The following CPSF1 variants were observed in gnomAD, a reference collection of about 807,000 sequenced individuals.
CPSF1 encodes the protein cleavage and polyadenylation specific factor 1, also known as cleavage and polyadenylation specificity factor subunit 1.
Under a neutral mutation model 175.8 loss-of-function variants are expected in CPSF1, and 106 were observed. The observed-to-expected ratio is 0.60, with a 90% CI of 0.52 to 0.71. CPSF1 has a LOEUF of 0.71. CPSF1 is among the 30% of genes least tolerant of loss of function. CPSF1 has a pLI of 0.00. For missense variants in CPSF1, 1,734 were observed against 2,022.9 expected (o/e 0.86, Z 2.74); for synonymous variants, 1,024 against 858.3 (o/e 1.19, Z -3.37).
chr8:144,396,243 C>G (rs1773986593), intron 26 of CPSF1, 105 bp downstream of exon 26: 9 of 1,219,122 alleles, frequency 7.4e-6, no homozygotes, highest in Non-Finnish European at 9.2e-6. Flanking sequence ...ACACTCCTTC[C>G]TGGTCCTCAG....
chr8:144,400,038 A>C lies in CPSF1; in HGVS notation c.985T>G (p.Phe329Val). Residue 329 changes from phenylalanine (F) to valine (V), a missense_variant, in exon 10 of 38, where the codon TTC (phenylalanine) becomes GTC (valine). Physicochemically the swap from Phe to Val is conservative, Grantham distance 50. Coordinates refer to ENST00000616140, the MANE Select transcript of CPSF1 (RefSeq NM_013291.3). ...RITLDCAQAT[F>V]ISYDKMVISL... ...ATGACCATCTTGTCGTAGGAGATGA[A>C]GGTGGCCTGGGCGCAGTCCAGGGTG... 6.2e-7 allele frequency: 1 copy of C among 1,610,018 alleles called. No homozygotes were observed. Among genetic ancestry groups the C allele is most frequent in the Non-Finnish European group, 8.5e-7 (1 of 1,179,668 alleles).
In CPSF1 at chr8:144,396,483, G is replaced by C. The variant is rs1458237845; in HGVS notation, c.2844C>G (p.Pro948=). 3.7e-6 allele frequency: 6 copies of C among 1,609,212 alleles called. No individual in the cohort carries two copies. Among genetic ancestry groups the C allele is most frequent in the African/African-American group, 1.3e-5 (1 of 74,854 alleles). ...YGYSGVFICG[P]SPHWLLVTGR... is the part of the protein sequence containing the mutation. ...CGGTCACCAAGAGCCAGTGAGGGGA[G>C]GGGCCGCAGATGAAGACCTGGGGGC... The change falls in exon 26 of 38, where the codon CCC becomes CCG. Residue 948 remains proline (P), a synonymous_variant. Transcript: ENST00000616140.
At chr8:144,395,380 C>G (rs1586612105) in intron 27 of CPSF1, 25 bp from the exon 28 acceptor site, 3 of 1,612,686 alleles carry the variant, frequency 1.9e-6, no homozygotes, top group Non-Finnish European at 2.5e-6. Context: ...GGGTCACACA[C>G]CAGTGGCCCG....
chr8:144,397,590 T>C lies in CPSF1; in HGVS notation c.2282A>G (p.Glu761Gly). The change falls in exon 22 of 38, where the codon GAG (glutamate) becomes GGG (glycine). Residue 761 changes from glutamate (E) to glycine (G), a missense_variant. Glu to Gly is a moderately conservative substitution (Grantham distance 98, BLOSUM62 -2). Coordinates refer to ENST00000616140, the MANE Select transcript of CPSF1 (RefSeq NM_013291.3). ...SGSLFSPSKE[E>G]ARRSSQPPAD... ...AGGGGGCTGGCTGCTTCTTCGGGCC[T>C]CCTCCTTGCTGGGGCTGAAGAGGGA... 1 of 1,539,730 alleles carries C rather than the reference T, an allele frequency of 6.5e-7. No individual in the cohort carries two copies. The highest frequency in any genetic ancestry group is 8.8e-7 in the Non-Finnish European group (1 of 1,138,270).
rs782420033 is a variant in CPSF1, at chr8:144,394,112, C to T, written c.3859+1G>A. 6.2e-7 allele frequency: 1 copy of T among 1,612,618 alleles called. No homozygotes were observed. The highest frequency in any genetic ancestry group is 1.3e-5 in the African/African-American group (1 of 75,032). On this transcript the variant is annotated splice_donor_variant, in intron 34 of 37. Coordinates refer to ENST00000616140, the MANE Select transcript of CPSF1 (RefSeq NM_013291.3). LOFTEE classifies it high-confidence loss of function. Reference sequence around the variant, plus strand: ...GCAGAGGGGGTGGAGGAAGCACTCACCTTCGGGCAGGTACATGTACACCAT... The same window carrying T: ...GCAGAGGGGGTGGAGGAAGCACTCATCTTCGGGCAGGTACATGTACACCAT...
Position 144,393,926 on chromosome 8 carries a change from G to C in CPSF1, c.3972C>G (p.Ser1324Arg), listed in dbSNP as rs782544283. Residue 1324 changes from serine to arginine, a missense_variant, in exon 35 of 38, where the codon AGC (serine) becomes AGG (arginine). Transcript: ENST00000616140. Reference protein sequence around the residue: ...TPCRGATEGLSKKSVVWENKH... With the variant: ...TPCRGATEGLRKKSVVWENKH... ...TATTCTCCCACACGACCGACTTTTTGCTGAGCCCTTCAGTGGCCCCCCGGC... is the reference window on the plus strand; with the variant it reads ...TATTCTCCCACACGACCGACTTTTTCCTGAGCCCTTCAGTGGCCCCCCGGC... The C allele has an allele frequency of 6.2e-7, 1 of 1,613,402 alleles. No homozygotes were observed. Among genetic ancestry groups the C allele is most frequent in the Non-Finnish European group, 8.5e-7 (1 of 1,179,760 alleles).
At chr8:144,402,917 C>T (rs1225068118) in intron 2 of CPSF1, among the ~76,000 whole-genome samples, 1 of 152,190 alleles carries the variant, frequency 6.6e-6, no homozygotes, top group Non-Finnish European at 1.5e-5. Flanking sequence ...GGTATTGTAA[C>T]ACAACTGGGT....
Position 144,396,643 on chromosome 8 carries a change from G to A in CPSF1, c.2781C>T (p.Arg927=), listed in dbSNP as rs782110971. Residue 927 remains arginine, a synonymous_variant, in exon 25 of 38, where the codon CGC becomes CGT. Transcript: ENST00000616140. ...GAEEGAGARG[R]VARFRYFEDI... is the part of the protein sequence containing the mutation. ...CCTCGAAGTAGCGGAAACGCGCCAC[G>A]CGGCCCCGGGCCCCAGCCCCCTCCT... 5.6e-5 allele frequency: 90 copies of A among 1,613,580 alleles called. No homozygotes were observed. Among genetic ancestry groups the A allele is most frequent in the Middle Eastern group, 3.3e-4 (2 of 6,082 alleles).
intron 26 of CPSF1, chr8:144,396,125 G>T: frequency 1.7e-6 from 1 of 583,394 alleles, no homozygotes; most frequent in Non-Finnish European, 3.0e-6. Context: ...GAGCAGTGGT[G>T]GGGACCCCAG....
At position 144,396,090 on chromosome 8, in the gene CPSF1, C is replaced by G. The variant is rs536183338; in HGVS notation, c.2979+258G>C. ...TGAGAAGTGTGGAGGCCAGGCCCTG[C>G]GAGGGCTTGCCCGGCGAGCCGGCAG... is the stretch of plus-strand genomic sequence containing the variant. On this transcript the variant is annotated intron_variant, in intron 26 of 37. Transcript: ENST00000616140. 19 of 541,208 alleles carry G rather than the reference C, an allele frequency of 3.5e-5. No individual in the cohort carries two copies. In the East Asian group the frequency reaches 5.8e-4, roughly 17 times the overall value. The allele number at this position is 541,208 out of a possible 1,614,324, so 33.5% of individuals were successfully genotyped here. A position where few individuals can be genotyped will look rare whatever the true frequency, so the allele number is the denominator to read the frequency against.
intron 2 of CPSF1, among the ~76,000 whole-genome samples, chr8:144,402,340 C>T (rs1586631281): frequency 6.6e-6 from 1 of 152,130 alleles, no homozygotes; most frequent in African/African-American, 2.4e-5. Context: ...CGGAGTCTCA[C>T]TCTGTCACCC....
intron 9 of CPSF1, 31 bp downstream of exon 9, chr8:144,400,135 G>GGGGCCCCCCCCCCCCCCCCCCAC: frequency 1.1e-6 from 1 of 896,012 alleles, no homozygotes; most frequent in Non-Finnish European, 1.6e-6. Flanking sequence ...CCGTCCCCGG[G>GGGGCCCCCCCCCCCCCCCCCCAC]CCCCCCCCGC....
chr8:144,397,009 T>G (rs1586616001), intron 23 of CPSF1, 80 bp from the exon 24 acceptor site: 7 of 1,004,734 alleles, frequency 7.0e-6, no homozygotes, highest in Non-Finnish European at 1.0e-5. Context: ...AGGTGGGCTG[T>G]GGGTAAGGGG....
chr8:144,404,201 G>A (rs1554868272), intron 2 of CPSF1, among the ~76,000 whole-genome samples: 1 of 151,660 alleles, frequency 6.6e-6, no homozygotes, highest in Admixed American at 6.6e-5. Context: ...CCAGCCTGGG[G>A]GACAAGAGAG....
chr8:144,409,195 G>A (rs2116913699), intron 1 of CPSF1, 23 bp from the exon 2 acceptor site: 4 of 1,529,074 alleles, frequency 2.6e-6, no homozygotes, highest in South Asian at 2.4e-5. Flanking sequence ...GGGAGAGGAA[G>A]GGTGAGCGGG....
chr8:144,401,351 G>A (rs1699407015), intron 4 of CPSF1, 60 bp from the exon 5 acceptor site: 1 of 1,609,256 alleles, frequency 6.2e-7, no homozygotes, highest in South Asian at 1.1e-5. Context: ...GTCGCCCCCG[G>A]CAACCAACGG....
chr8:144,409,074 T>A lies in CPSF1; in HGVS notation c.85A>T (p.Asn29Tyr). ...TGCGAGGTCCCGGCCACTACCAGGT[T>A]GCGCTCGCTGTTGTTGAAGAAGTTG... ...YCNFFNNSERNLVVAGTSQLY... is the reference protein window; with the variant it reads ...YCNFFNNSERYLVVAGTSQLY... The change falls in exon 2 of 38, where the codon AAC becomes TAC. Residue 29 changes from asparagine to tyrosine, a missense_variant. Coordinates refer to ENST00000616140, the MANE Select transcript of CPSF1 (RefSeq NM_013291.3). 6.2e-7 allele frequency: 1 copy of A among 1,613,852 alleles called. No homozygotes were observed. Among genetic ancestry groups the A allele is most frequent in the South Asian group, 1.1e-5 (1 of 91,086 alleles).
At position 144,401,537 on chromosome 8, in the gene CPSF1, C is replaced by T. The variant is rs2116885440; in HGVS notation, c.199G>A (p.Glu67Lys). The change falls in exon 4 of 38, where the codon GAG becomes AAG. Residue 67 changes from glutamate to lysine, a missense_variant. Coordinates refer to ENST00000616140, the MANE Select transcript of CPSF1 (RefSeq NM_013291.3). The stretch of plus-strand genomic sequence containing the variant: ...AAGAAGGAGAAGGAGGCAGCAAGCT[C>T]GAGCTTCTCCCGGTGGGCCTTCCCC... Reference protein sequence around the residue: ...TEGKAHREKLELAASFSFFGN... With the variant: ...TEGKAHREKLKLAASFSFFGN... 14 of 1,613,736 alleles carry T rather than the reference C, an allele frequency of 8.7e-6. No homozygotes were observed. Among genetic ancestry groups the T allele is most frequent in the African/African-American group, 6.7e-5 (5 of 74,926 alleles).
In CPSF1 at chr8:144,400,935, G is replaced by T; in HGVS notation, c.528C>A (p.Leu176=). 6.2e-7 allele frequency: 1 copy of T among 1,604,240 alleles called. No homozygotes were observed. Residue 176 remains leucine (L), a synonymous_variant, in exon 6 of 38, where the codon CTC becomes CTA. Coordinates refer to ENST00000616140, the MANE Select transcript of CPSF1 (RefSeq NM_013291.3). ...CAGCTGGCACTCACCCCTCACCCAC[G>T]AGCCCCTCGTGCTCCTCAGCCAGGC... The part of the protein sequence containing the change: ...RESLAEEHEG[L]VGEGQRSSFL...
Sources: allele counts gnomAD v4.1 joint callset (sites outside exome capture counted in the v4.1 genomes callset), GRCh38; gene constraint gnomAD v4.1.1; transcripts MANE v1.5; gene names NCBI Gene and HGNC (gene_info 2026-07-23, HGNC 2026-07-21).